The following ZC3HAV1L variants were observed in gnomAD, a reference collection of about 807,000 sequenced individuals.
ZC3HAV1L encodes the protein ZC3HAV1 like.
ZC3HAV1L carries 23 observed loss-of-function variants against 28.2 expected under a neutral mutation model. The observed-to-expected ratio is 0.82, with a 90% CI of 0.59 to 1.16. ZC3HAV1L has a LOEUF of 1.16. Ranked by LOEUF, ZC3HAV1L falls within the 50% of genes most tolerant of loss-of-function variation. The pLI is 0.00. For synonymous variants in ZC3HAV1L, 180 were observed against 163.4 expected, an observed-to-expected ratio of 1.10 and a Z score of -0.78; for missense variants, 376 against 387.7, an observed-to-expected ratio of 0.97 and a Z score of 0.25.
rs765437126 is a variant in ZC3HAV1L at position 139,028,851 on chromosome 7, A to C, written c.611T>G (p.Leu204Arg). 6.2e-7 allele frequency: 1 copy of C among 1,614,194 alleles called. No individual in the cohort carries two copies. The change falls in exon 3 of 5, where the codon CTT (leucine) becomes CGT (arginine). Residue 204 changes from leucine to arginine, a missense_variant. Coordinates refer to ENST00000275766, the MANE Select transcript of ZC3HAV1L (RefSeq NM_080660.4). ...CTGATGGGACCGTTTGCAGGTCTGA[A>C]GTTTGCATTCTCCTTTCACAAAGGA... ...CKSFVKGECK[L>R]QTCKRSHQLI...
chr7:139,032,645 TAAAATAAAAATA>T (rs1434684863), intron 2 of ZC3HAV1L, among the ~76,000 whole-genome samples: 1 of 142,126 alleles, frequency 7.0e-6, no homozygotes. Context: ...ATAAATAAAA[TAAAATAAAAATA>T]AAAATAAAAT....
chr7:139,034,632 G>A lies in ZC3HAV1L; in HGVS notation c.412C>T (p.Gln138Ter). The A allele has an allele frequency of 6.2e-7, 1 of 1,614,026 alleles. No homozygotes were observed. The highest frequency in any genetic ancestry group is 8.5e-7 in the Non-Finnish European group (1 of 1,179,926). ...AAAAGTCCATGGCTTTTCAGGACCT[G>A]CATGTTGACAGGTGTGTGGATATCA... ...SHDIHTPVNM[Q>*]VLKSHGLFGL... The change falls in exon 2 of 5, where the codon CAG becomes TAG. Residue 138 changes from glutamine to a stop codon, truncating the protein, a stop_gained. Coordinates refer to ENST00000275766, the MANE Select transcript of ZC3HAV1L (RefSeq NM_080660.4). LOFTEE classifies it high-confidence loss of function.
At chr7:139,024,581 T>C (rs1323983217), downstream of ZC3HAV1L, among the ~76,000 whole-genome samples, 3 of 152,162 alleles carry the variant, frequency 2.0e-5, no homozygotes, top group East Asian at 3.8e-4. Context: ...ATGCAGAGCA[T>C]AAGGGCTTTC....
chr7:139,022,473 G>T, downstream of ZC3HAV1L: 1 of 382,476 alleles, frequency 2.6e-6, no homozygotes, highest in Non-Finnish European at 5.3e-6. Flanking sequence ...TTGAGCCTGA[G>T]AAATCAAGGC....
At chr7:139,035,174 T>TG (rs1815663594) in intron 1 of ZC3HAV1L, 1 of 985,278 alleles carries the variant, frequency 1.0e-6, no homozygotes, top group Admixed American at 6.1e-5. Flanking sequence ...CCCTGTTTCC[T>TG]GGGGTGAGAC....
downstream of ZC3HAV1L, among the ~76,000 whole-genome samples, chr7:139,024,855 A>T (rs1815313443): frequency 6.6e-6 from 1 of 152,260 alleles, no homozygotes; most frequent in Admixed American, 6.5e-5. Context: ...TTACACAGTG[A>T]CATTTGAGGA....
Position 139,035,942 on chromosome 7 carries a change from G to A in ZC3HAV1L, c.76C>T (p.Leu26=). Residue 26 remains leucine, a synonymous_variant, in exon 1 of 5, where the codon CTG becomes TTG. Coordinates refer to ENST00000275766, the MANE Select transcript of ZC3HAV1L (RefSeq NM_080660.4). ...AHGGRMFLKD[L]RGHVELSEAR... ...TCCGACAGCTCCACGTGGCCGCGCA[G>A]GTCCTTCAGGAACATGCGGCCGCCG... The A allele has an allele frequency of 6.6e-7, 1 of 1,517,716 alleles. No homozygotes were observed. Among genetic ancestry groups the A allele is most frequent in the East Asian group, 2.6e-5 (1 of 37,946 alleles). The allele number at this position is 1,517,716 out of a possible 1,614,324, so 94.0% of individuals were successfully genotyped here. A position where few individuals can be genotyped will look rare whatever the true frequency, so the allele number is the denominator to read the frequency against.
rs1285313102 is a variant in ZC3HAV1L, at chr7:139,026,846, A to T, written c.761-13T>A. The T allele has an allele frequency of 1.2e-6, 2 of 1,602,258 alleles. No homozygotes were observed. Among genetic ancestry groups the T allele is most frequent in the Non-Finnish European group, 1.7e-6 (2 of 1,172,710 alleles). On this transcript the variant is annotated splice_polypyrimidine_tract_variant and intron_variant, in intron 3 of 4. Transcript: ENST00000275766. Reference sequence around the variant, plus strand: ...GGTGATGAATTATCTACAAAGAGGAAAGGGATAAGTTTTCCTACGATACCC... The same window carrying T: ...GGTGATGAATTATCTACAAAGAGGATAGGGATAAGTTTTCCTACGATACCC...
chr7:139,024,275 T>C (rs1815302531), downstream of ZC3HAV1L, among the ~76,000 whole-genome samples: 1 of 152,172 alleles, frequency 6.6e-6, no homozygotes, highest in Non-Finnish European at 1.5e-5. Context: ...TAAAGTAGAC[T>C]ATTATAGAAT....
intron 2 of ZC3HAV1L, among the ~76,000 whole-genome samples, chr7:139,029,391 G>C (rs1815458068): frequency 6.6e-6 from 1 of 152,150 alleles, no homozygotes; most frequent in Non-Finnish European, 1.5e-5. Context: ...CTGATCACCA[G>C]TGGCTGTTAA....
chr7:139,033,656 T>C (rs1815603797), intron 2 of ZC3HAV1L: 1 of 923,860 alleles, frequency 1.1e-6, no homozygotes, highest in Non-Finnish European at 1.3e-6. Context: ...TATGACAAGG[T>C]GAGGCTGGGC....
downstream of ZC3HAV1L, among the ~76,000 whole-genome samples, chr7:139,023,182 G>GAAA (rs565321825): frequency 0.24 from 24,943 of 103,592 alleles, 1,718 homozygotes; most frequent in Non-Finnish European, 0.26. Context: ...AAGGAAAAAA[G>GAAA]AAAAAAAAAA....
intron 2 of ZC3HAV1L, among the ~76,000 whole-genome samples, chr7:139,032,695 T>A (rs562861170): frequency 1.9e-4 from 29 of 149,506 alleles, no homozygotes; most frequent in African/African-American, 5.9e-4. Context: ...AAATAAAATT[T>A]AAAAAAATAA....
rs1014036665 is a variant in ZC3HAV1L at position 139,033,621 on chromosome 7, C to T, written c.501+922G>A. 1.3e-5 allele frequency: 9 copies of T among 709,984 alleles called. No homozygotes were observed. The African/African-American group carries it at 1.7e-4, about 14-fold the overall frequency. 44.0% of individuals were successfully genotyped at this position (709,984 alleles called of 1,614,324 possible). A position where few individuals can be genotyped will look rare whatever the true frequency, so the allele number is the denominator to read the frequency against. Reference sequence around the variant, plus strand: ...GTAAGTGCAGCCAACCCATCAGCTGCTCACAAAACACTGAAGTAGTCTAAT... The same window carrying T: ...GTAAGTGCAGCCAACCCATCAGCTGTTCACAAAACACTGAAGTAGTCTAAT... On this transcript the variant is annotated intron_variant, in intron 2 of 4. Coordinates refer to ENST00000275766, the MANE Select transcript of ZC3HAV1L (RefSeq NM_080660.4).
In ZC3HAV1L at chr7:139,026,707, C is replaced by CCTGGGCAGGGCTTCTTGGCCGA. The variant is rs749522765; in HGVS notation, c.865_886dup (p.Ser297GlyfsTer45). On this transcript the variant is annotated frameshift_variant and splice_region_variant. Coordinates refer to ENST00000275766, the MANE Select transcript of ZC3HAV1L (RefSeq NM_080660.4). LOFTEE classifies it high-confidence loss of function. The stretch of plus-strand genomic sequence containing the variant: ...GTTCACTGACCCCCTTTAAGGTTTA[C>CCTGGGCAGGGCTTCTTGGCCGA]CTGGGCAGGGCTTCTTGGCCGACTG... 10 of 1,613,904 alleles carry CCTGGGCAGGGCTTCTTGGCCGA rather than the reference C, an allele frequency of 6.2e-6. No individual in the cohort carries two copies. In the East Asian group the frequency reaches 2.0e-4, roughly 32 times the overall value.
chr7:139,028,358 C>A (rs1375670258), intron 3 of ZC3HAV1L, among the ~76,000 whole-genome samples: 1 of 133,606 alleles, frequency 7.5e-6, no homozygotes, highest in African/African-American at 2.9e-5. Context: ...GGGCGACAGA[C>A]TGAGACTCTG....
At chr7:139,032,218 C>T (rs979699283) in intron 2 of ZC3HAV1L, among the ~76,000 whole-genome samples, 1 of 152,098 alleles carries the variant, frequency 6.6e-6, no homozygotes, top group Non-Finnish European at 1.5e-5. Context: ...AAGGAACAGC[C>T]TGTTCCTTAT....
At chr7:139,023,662 G>A (rs1815292251), downstream of ZC3HAV1L, among the ~76,000 whole-genome samples, 1 of 152,198 alleles carries the variant, frequency 6.6e-6, no homozygotes, top group Non-Finnish European at 1.5e-5. Flanking sequence ...GTGAAGAGTG[G>A]TAAGGAGACC....
chr7:139,022,526 C>G (rs574931463), downstream of ZC3HAV1L: 14 of 223,672 alleles, frequency 6.3e-5, no homozygotes, highest in South Asian at 6.1e-4. Context: ...GCCTGGGCAA[C>G]AGAGTGAGAC....
Sources: allele counts gnomAD v4.1 joint callset (sites outside exome capture counted in the v4.1 genomes callset), GRCh38; gene constraint gnomAD v4.1.1; transcripts MANE v1.5; gene names NCBI Gene and HGNC (gene_info 2026-07-23, HGNC 2026-07-21).